GRK5: variants seen among roughly 807,000 people sequenced by gnomAD.
The protein encoded by GRK5 is G protein-coupled receptor kinase 5, also known as g protein-coupled receptor kinase GRK5.
Under a neutral mutation model 78.4 loss-of-function variants are expected in GRK5, and 40 were observed. The observed-to-expected ratio is 0.51, with a 90% CI of 0.40 to 0.66. The LOEUF is 0.66. Ranked by LOEUF, GRK5 falls within the 30% of genes least tolerant of loss-of-function variation. The pLI, the probability that GRK5 is intolerant of heterozygous loss-of-function variation, is 0.00. For missense variants in GRK5, 598 were observed against 759.9 expected (o/e 0.79, Z 2.50); for synonymous variants, 289 against 296.8 (o/e 0.97, Z 0.27).
chr10:119,307,655 T>G (rs1280598001), intron 1 of GRK5, among the ~76,000 whole-genome samples: 4 of 152,174 alleles, frequency 2.6e-5, no homozygotes, highest in African/African-American at 7.2e-5. Context: ...GACTTCTGAC[T>G]TCTAGAACTG....
At chr10:119,312,422 G>A (rs1383333829) in intron 1 of GRK5, among the ~76,000 whole-genome samples, 1 of 152,194 alleles carries the variant, frequency 6.6e-6, no homozygotes, top group African/African-American at 2.4e-5. Flanking sequence ...AGCAGCCAGA[G>A]CAGCGAGAAT....
intron 2 of GRK5, among the ~76,000 whole-genome samples, chr10:119,359,280 G>A (rs1005413665): frequency 1.3e-5 from 2 of 152,152 alleles, no homozygotes; most frequent in African/African-American, 4.8e-5. Context: ...ATGCCCTTAC[G>A]GGGGCCTATT....
chr10:119,380,648 C>T (rs978037176), intron 2 of GRK5, among the ~76,000 whole-genome samples, 167 bp from the exon 3 acceptor site: 8 of 152,212 alleles, frequency 5.3e-5, no homozygotes, highest in Non-Finnish European at 7.3e-5. Flanking sequence ...TCTACACTGA[C>T]GTCTCTCTGA....
intron 12 of GRK5, among the ~76,000 whole-genome samples, chr10:119,447,377 G>A (rs1418679593): frequency 6.6e-6 from 1 of 151,876 alleles, no homozygotes; most frequent in Non-Finnish European, 1.5e-5. Context: ...CCCTCCCCTT[G>A]ACCCATCTCT....
At chr10:119,357,173 T>C (rs987463669) in intron 2 of GRK5, among the ~76,000 whole-genome samples, 1 of 152,256 alleles carries the variant, frequency 6.6e-6, no homozygotes, top group Non-Finnish European at 1.5e-5. Flanking sequence ...GTGTTTTTTC[T>C]CATTTTAATG....
rs184035727 is a variant in GRK5 at position 119,305,745 on chromosome 10, C to T, written c.53-20771C>T. On this transcript the variant is annotated intron_variant, in intron 1 of 15. Transcript: ENST00000392870. ...GTAAAAACCTGGAAGACCTAACCTACGTGTCTCTCAACAGGAGAGTGGATG... is the reference window on the plus strand; with the variant it reads ...GTAAAAACCTGGAAGACCTAACCTATGTGTCTCTCAACAGGAGAGTGGATG... Among the ~76,000 whole-genome samples, 110 of 152,272 alleles carry T rather than the reference C, an allele frequency of 7.2e-4. 3 individuals carry two copies. Among genetic ancestry groups the T allele is most frequent in the Admixed American group, 7.1e-3 (109 of 15,298 alleles).
chr10:119,411,557 G>C (rs1239621924), intron 4 of GRK5, among the ~76,000 whole-genome samples: 5 of 152,168 alleles, frequency 3.3e-5, no homozygotes, highest in Non-Finnish European at 7.4e-5. Flanking sequence ...TAAATAACTT[G>C]CTGAGCATGC....
Position 119,267,165 on chromosome 10 carries a change from C to A in GRK5, c.52+59196C>A, listed in dbSNP as rs1289675773. 6.6e-6 allele frequency among the ~76,000 whole-genome samples: 1 copy of A among 152,026 alleles called. No individual in the cohort carries two copies. Among genetic ancestry groups the A allele is most frequent in the Admixed American group, 6.5e-5 (1 of 15,270 alleles). ...TGCTGAGGAAGGAGAATTGCTTGAA[C>A]CTGCGAGGCGGAGGTTGCAGCGAGC... is the stretch of plus-strand genomic sequence containing the variant. On this transcript the variant is annotated intron_variant, in intron 1 of 15. Transcript: ENST00000392870. The surrounding 1 kb of genome is among the most constrained non-coding windows in gnomAD (Gnocchi z 4.1).
chr10:119,429,908 G>T (rs61876100), intron 6 of GRK5, among the ~76,000 whole-genome samples: 5,841 of 152,228 alleles, frequency 0.038, 160 homozygotes, highest in Non-Finnish European at 0.06. Context: ...CATCCTGCTG[G>T]GCAGACTGAG....
intron 3 of GRK5, among the ~76,000 whole-genome samples, chr10:119,385,926 C>T (rs1851786995): frequency 6.6e-6 from 1 of 151,930 alleles, no homozygotes; most frequent in Non-Finnish European, 1.5e-5. Flanking sequence ...ACTCGGTCAC[C>T]CAGGCTAGAG....
At chr10:119,335,924 G>A (rs1850879019) in intron 2 of GRK5, 1 of 152,266 alleles carries the variant, frequency 6.6e-6, no homozygotes, top group African/African-American at 2.4e-5. Context: ...CACCAACCTG[G>A]TAGAGCCTCT....
In GRK5 at chr10:119,326,463, G is replaced by T. The variant is rs568154624; in HGVS notation, c.53-53G>T. 7.5e-6 allele frequency: 11 copies of T among 1,474,450 alleles called. No individual in the cohort carries two copies. The African/African-American group carries it at 9.7e-5, about 13-fold the overall frequency. 91.3% of individuals were successfully genotyped at this position (1,474,450 alleles called of 1,614,324 possible). A position where few individuals can be genotyped will look rare whatever the true frequency, so the allele number is the denominator to read the frequency against. ...GGCTGGTGGGCAGGCTCACTGCGGG[G>T]ACGCCGCAGGCTCTGGAGCCTCAGC... is the stretch of plus-strand genomic sequence containing the variant. On this transcript the variant is annotated intron_variant, in intron 1 of 15. Coordinates refer to ENST00000392870, the MANE Select transcript of GRK5 (RefSeq NM_005308.3).
Position 119,455,533 on chromosome 10 carries a change from G to C in GRK5, c.*466G>C. ...TTCCAAGGCATTTTAGCGGGGAGGG[G>C]GTTATCAAAAAAAAAAAAATGTGAC... On this transcript the variant is annotated 3_prime_UTR_variant, in exon 16 of 16. Transcript: ENST00000392870. 2 of 281,814 alleles carry C rather than the reference G, an allele frequency of 7.1e-6. No homozygotes were observed. Among genetic ancestry groups the C allele is most frequent in the South Asian group, 6.4e-5 (2 of 31,394 alleles). The allele number at this position is 281,814 out of a possible 1,614,324, so 17.5% of individuals were successfully genotyped here. A position where few individuals can be genotyped will look rare whatever the true frequency, so the allele number is the denominator to read the frequency against.
intron 4 of GRK5, among the ~76,000 whole-genome samples, chr10:119,410,048 C>G (rs59230453): frequency 6.6e-6 from 1 of 152,254 alleles, no homozygotes; most frequent in African/African-American, 2.4e-5. Context: ...CGCGAGCCCC[C>G]GCGTGCGCGG....
intron 2 of GRK5, among the ~76,000 whole-genome samples, chr10:119,355,780 CACAACA>C (rs143956516): frequency 3.3e-5 from 5 of 151,426 alleles, no homozygotes; most frequent in African/African-American, 9.7e-5. Flanking sequence ...AAGACTCTAT[CACAACA>C]ACAACAACAA....
At position 119,431,049 on chromosome 10, in the gene GRK5, G is replaced by A. The variant is rs751945912; in HGVS notation, c.598-338G>A. Among the ~76,000 whole-genome samples, 3 of 152,174 alleles carry A rather than the reference G, an allele frequency of 2.0e-5. No individual in the cohort carries two copies. Among genetic ancestry groups the A allele is most frequent in the Non-Finnish European group, 2.9e-5 (2 of 68,030 alleles). On this transcript the variant is annotated intron_variant, in intron 7 of 15. Transcript: ENST00000392870. The surrounding 1 kb of genome is among the most constrained non-coding windows in gnomAD (Gnocchi z 4.8). ...GCCTCCCAAAACAAACTTCTCTACCGGCAGCCGGTAGGAGAAAATCCTGTT... is the reference window on the plus strand; with the variant it reads ...GCCTCCCAAAACAAACTTCTCTACCAGCAGCCGGTAGGAGAAAATCCTGTT...
At chr10:119,374,492 G>A (rs911205340) in intron 2 of GRK5, among the ~76,000 whole-genome samples, 2 of 152,198 alleles carry the variant, frequency 1.3e-5, no homozygotes, top group African/African-American at 4.8e-5. Context: ...CCCTCTGTTG[G>A]TTGACGTACC....
At chr10:119,316,693 T>A (rs1043784492) in intron 1 of GRK5, among the ~76,000 whole-genome samples, 4 of 152,006 alleles carry the variant, frequency 2.6e-5, no homozygotes, top group Non-Finnish European at 5.9e-5. Context: ...GGCCTGAGAG[T>A]CCCAGATGTG....
intron 1 of GRK5, among the ~76,000 whole-genome samples, chr10:119,287,924 C>T (rs1849884531): frequency 6.6e-6 from 1 of 152,188 alleles, no homozygotes; most frequent in Admixed American, 6.5e-5. Flanking sequence ...CTTGTCTGAT[C>T]CCAAAGCCCT....
Sources: gnomAD v4.1 joint callset for allele counts (sites outside exome capture counted in the v4.1 genomes callset) on GRCh38, gnomAD v4.1.1 for gene constraint, Gnocchi (gnomAD v3.1) non-coding constraint, MANE v1.5 for transcripts, NCBI Gene and HGNC (gene_info 2026-07-23, HGNC 2026-07-21) for gene names.